Variants in KIF11 observed in about 807,000 individuals in gnomAD.
KIF11 encodes kinesin family member 11.
KIF11 carries 9 observed loss-of-function variants against 121.0 expected under a neutral mutation model. The observed-to-expected ratio is 0.07, with a 90% CI of 0.04 to 0.13. The LOEUF is 0.13. Among genes scored for constraint, KIF11 ranks in the 10% least tolerant of loss-of-function variants. KIF11 has a pLI of 1.00. For missense variants in KIF11, 846 were observed against 1,217.5 expected, an observed-to-expected ratio of 0.69 and a Z score of 4.54; for synonymous variants, 408 against 421.0, an observed-to-expected ratio of 0.97 and a Z score of 0.38.
At chr10:92,604,978 C>A (rs1844412777) in intron 1 of KIF11, among the ~76,000 whole-genome samples, 2 of 151,508 alleles carry the variant, frequency 1.3e-5, no homozygotes, top group African/African-American at 2.4e-5. Flanking sequence ...GACAGTATTT[C>A]TTTCTGTAGT....
At chr10:92,595,294 A>G (rs973242259) in intron 1 of KIF11, among the ~76,000 whole-genome samples, 2 of 152,218 alleles carry the variant, frequency 1.3e-5, no homozygotes, top group Non-Finnish European at 2.9e-5. Context: ...TCCTGACCTC[A>G]GAGAATCCAC....
At chr10:92,639,960 A>G in intron 17 of KIF11, 60 bp downstream of exon 17, 7 of 898,378 alleles carry the variant, frequency 7.8e-6, no homozygotes, top group Non-Finnish European at 1.2e-5. Flanking sequence ...TTAAGAAGAA[A>G]AAGCTTTAAA....
Position 92,620,103 on chromosome 10 carries a change from C to T in KIF11, c.1129-1282C>T, listed in dbSNP as rs1281222948. 7.1e-5 allele frequency among the ~76,000 whole-genome samples: 9 copies of T among 126,320 alleles called. No homozygotes were observed. The East Asian group carries it at 9.4e-4, about 13-fold the overall frequency. 82.9% of individuals were successfully genotyped at this position (126,320 alleles called of 152,430 possible). On this transcript the variant is annotated intron_variant, in intron 9 of 21. Transcript: ENST00000260731. Reference sequence around the variant, plus strand: ...CTTTTTTTTTTTTTTTTTTTTGAGACGGAGTCTCGCTCTGTTGCCCAGGCT... The same window carrying T: ...CTTTTTTTTTTTTTTTTTTTTGAGATGGAGTCTCGCTCTGTTGCCCAGGCT...
At position 92,613,432 on chromosome 10, in the gene KIF11, C is replaced by T. The variant is rs1844517507; in HGVS notation, c.845C>T (p.Ala282Val). 1.2e-6 allele frequency: 2 copies of T among 1,610,926 alleles called. No individual in the cohort carries two copies. Among genetic ancestry groups the T allele is most frequent in the South Asian group, 1.1e-5 (1 of 91,020 alleles). Reference sequence around the variant, plus strand: ...CGTTCTGGAGCTGTTGATAAGAGAGCTCGGGAAGCTGGAAATATAAATCAA... The same window carrying T: ...CGTTCTGGAGCTGTTGATAAGAGAGTTCGGGAAGCTGGAAATATAAATCAA... ...IGRSGAVDKR[A>V]REAGNINQSL... The change falls in exon 8 of 22, where the codon GCT becomes GTT. Residue 282 changes from alanine (A) to valine (V), a missense_variant. Coordinates refer to ENST00000260731, the MANE Select transcript of KIF11 (RefSeq NM_004523.4). The surrounding 1 kb of genome is among the most constrained non-coding windows in gnomAD (Gnocchi z 4.2).
chr10:92,650,666 T>C, intron 21 of KIF11, 149 bp downstream of exon 21: 1 of 592,478 alleles, frequency 1.7e-6, no homozygotes, highest in South Asian at 2.1e-5. Context: ...TTGAATTATT[T>C]ACAAAAATCT....
Position 92,613,398 on chromosome 10 carries a change from A to C in KIF11, c.811A>C (p.Asn271His). The stretch of plus-strand genomic sequence containing the variant: ...AAAGGTTGATCTTGCAGGAAGTGAA[A>C]ACATTGGCCGTTCTGGAGCTGTTGA... Reference protein sequence around the residue: ...LNLVDLAGSENIGRSGAVDKR... With the variant: ...LNLVDLAGSEHIGRSGAVDKR... Residue 271 changes from asparagine (N) to histidine (H), a missense_variant, in exon 8 of 22, where the codon AAC (asparagine) becomes CAC (histidine). Physicochemically the swap from Asn to His is moderately conservative, Grantham distance 68. Around this residue, in one of 5 missense-constraint regions of KIF11, gnomAD observed 116 missense variants for 285.3 expected, o/e 0.41. Coordinates refer to ENST00000260731, the MANE Select transcript of KIF11 (RefSeq NM_004523.4). This position sits in a 1 kb window ranked among gnomAD's most constrained non-coding sequence, Gnocchi z 4.2. 6.2e-7 allele frequency: 1 copy of C among 1,608,516 alleles called. No individual in the cohort carries two copies. Among genetic ancestry groups the C allele is most frequent in the Non-Finnish European group, 8.5e-7 (1 of 1,176,182 alleles).
chr10:92,641,615 T>G (rs6583832), intron 17 of KIF11, among the ~76,000 whole-genome samples: 22,720 of 152,246 alleles, frequency 0.15, 3,604 homozygotes, highest in African/African-American at 0.4. Flanking sequence ...TTATATTTTG[T>G]CTACTTATAT....
At chr10:92,623,687 C>T (rs7073868) in intron 10 of KIF11, among the ~76,000 whole-genome samples, 17,165 of 152,100 alleles carry the variant, frequency 0.11, 2,593 homozygotes, top group African/African-American at 0.34. Context: ...GAACAGTTTA[C>T]CATCACTAAT....
chr10:92,645,950 C>CTTTTTTTTTTTT (rs33915127), intron 18 of KIF11, among the ~76,000 whole-genome samples: 2 of 101,742 alleles, frequency 2.0e-5, no homozygotes, highest in Non-Finnish European at 3.8e-5. Flanking sequence ...CTTATATATG[C>CTTTTTTTTTTTT]TTTTTTTTTT....
At chr10:92,609,909 G>A (rs1026671125) in intron 6 of KIF11, among the ~76,000 whole-genome samples, 2 of 152,024 alleles carry the variant, frequency 1.3e-5, no homozygotes, top group African/African-American at 4.8e-5. Flanking sequence ...GCTAATTTTT[G>A]TATTTTTGGT....
At chr10:92,650,575 T>C in intron 21 of KIF11, 58 bp downstream of exon 21, 4 of 961,946 alleles carry the variant, frequency 4.2e-6, no homozygotes, top group Non-Finnish European at 6.8e-6. Flanking sequence ...TTACTATTCA[T>C]TATAAAGGTA....
chr10:92,642,985 C>T (rs536847536), intron 17 of KIF11, among the ~76,000 whole-genome samples: 1 of 152,194 alleles, frequency 6.6e-6, no homozygotes. Context: ...AATCTTGGCT[C>T]ACTGCAACCT....
intron 1 of KIF11, among the ~76,000 whole-genome samples, chr10:92,598,987 A>G (rs1250345968): frequency 1.3e-5 from 2 of 152,160 alleles, no homozygotes; most frequent in African/African-American, 4.8e-5. Context: ...CATGTTGGTC[A>G]GGCTGGTCAC....
chr10:92,639,643 C>A, intron 16 of KIF11, 151 bp from the exon 17 acceptor site: 1 of 520,924 alleles, frequency 1.9e-6, no homozygotes, highest in South Asian at 2.5e-5. Flanking sequence ...CTGCTTTCCT[C>A]TGTAGAAGAA....
chr10:92,639,409 G>A (rs991477773), intron 16 of KIF11, among the ~76,000 whole-genome samples: 2 of 152,048 alleles, frequency 1.3e-5, no homozygotes, highest in African/African-American at 2.4e-5. Context: ...TCAACATAGC[G>A]AGATCACGTC....
intron 17 of KIF11, 120 bp from the exon 18 acceptor site, chr10:92,645,243 C>T: frequency 1.5e-6 from 1 of 666,004 alleles, no homozygotes; most frequent in South Asian, 2.0e-5. Context: ...AGATCACGGG[C>T]CCTGGAGCCA....
chr10:92,627,448 T>A (rs1844692432), intron 10 of KIF11, among the ~76,000 whole-genome samples: 1 of 152,232 alleles, frequency 6.6e-6, no homozygotes, highest in African/African-American at 2.4e-5. Flanking sequence ...AATTTAGAAA[T>A]TTTTAGTTTC....
chr10:92,606,222 G>C lies in KIF11; in HGVS notation c.78-43G>C, dbSNP rs758886398. 51 of 1,524,044 alleles carry C rather than the reference G, an allele frequency of 3.3e-5. No individual in the cohort carries two copies. In the Middle Eastern group the frequency reaches 7.0e-4, roughly 21 times the overall value. 94.4% of individuals were successfully genotyped at this position (1,524,044 alleles called of 1,614,324 possible). On this transcript the variant is annotated intron_variant, in intron 1 of 21. Transcript: ENST00000260731. ...AGTGAAAATGTCATTGATAACCTGA[G>C]AACTAAGAGCTCTTGAATGACTTTG...
Position 92,650,477 on chromosome 10 carries a change from G to A in KIF11, c.2999G>A (p.Gly1000Asp). ...PLSQEPSVDA[G>D]VDCSSIGGVP... ...AGTCAAGAGCCATCTGTAGATGCTG[G>A]TGTGGATTGTTCATCAATTGGCGGG... Residue 1000 changes from glycine to aspartate, a missense_variant, in exon 21 of 22, where the codon GGT (glycine) becomes GAT (aspartate). Gly to Asp is a moderately conservative substitution (Grantham distance 94). This residue lies in a region of KIF11 where 492 missense variants were observed against 603.4 expected (regional missense o/e 0.82). Transcript: ENST00000260731. The A allele has an allele frequency of 6.2e-7, 1 of 1,613,380 alleles. No homozygotes were observed. The highest frequency in any genetic ancestry group is 1.1e-5 in the South Asian group (1 of 91,064).
Sources: gnomAD v4.1 joint callset for allele counts (sites outside exome capture counted in the v4.1 genomes callset) on GRCh38, gnomAD v4.1.1 for gene constraint, gnomAD v4.1.1 regional missense constraint, Gnocchi (gnomAD v3.1) non-coding constraint, MANE v1.5 for transcripts, NCBI Gene and HGNC (gene_info 2026-07-23, HGNC 2026-07-21) for gene names.